Variants in NTM observed in about 807,000 individuals in gnomAD.
NTM encodes neurotrimin, also known as IgLON family member 2.
A neutral mutation model predicts 42.1 loss-of-function variants in NTM; 13 were observed. That is an observed-to-expected ratio of 0.31 (90% confidence interval 0.20 to 0.49). NTM has a LOEUF of 0.49. Among genes scored for constraint, NTM ranks in the 20% least tolerant of loss-of-function variants. The pLI is 0.99. For synonymous variants in NTM, 187 were observed against 179.2 expected, an observed-to-expected ratio of 1.04 and a Z score of -0.35; for missense variants, 373 against 452.8, an observed-to-expected ratio of 0.82 and a Z score of 1.60.
intron 4 of NTM, among the ~76,000 whole-genome samples, chr11:132,292,441 A>T (rs575864149): frequency 5.4e-4 from 82 of 152,218 alleles, no homozygotes; most frequent in Non-Finnish European, 9.4e-4. Context: ...AGGAGACAGG[A>T]TCCTCAGCAG....
chr11:131,905,778 C>T (rs1159479396), intron 1 of NTM, among the ~76,000 whole-genome samples: 2 of 152,116 alleles, frequency 1.3e-5, no homozygotes, highest in African/African-American at 4.8e-5. Context: ...CATTGCTTTC[C>T]CTGGCCCTGT....
chr11:132,042,758 A>G (rs2077373472), intron 2 of NTM, among the ~76,000 whole-genome samples: 1 of 152,236 alleles, frequency 6.6e-6, no homozygotes, highest in Non-Finnish European at 1.5e-5. Context: ...GGTAGAATAG[A>G]TAGGATACAC....
chr11:132,228,457 T>G (rs897954829), intron 4 of NTM, among the ~76,000 whole-genome samples: 6 of 152,200 alleles, frequency 3.9e-5, no homozygotes, highest in African/African-American at 1.4e-4. Flanking sequence ...AAAATGCTCC[T>G]CTTCAGAGTC....
chr11:132,170,728 G>A (rs1352208640), intron 3 of NTM, among the ~76,000 whole-genome samples: 4 of 152,078 alleles, frequency 2.6e-5, no homozygotes, highest in African/African-American at 7.2e-5. Flanking sequence ...TTGTGAGGGG[G>A]AATTGAAATT....
intron 7 of NTM, chr11:132,315,202 A>T (rs1221003414): frequency 1.7e-6 from 1 of 582,560 alleles, no homozygotes; most frequent in Non-Finnish European, 2.2e-6. Flanking sequence ...GCTTAGTGTA[A>T]AATTTTCCTT....
chr11:132,187,077 G>A (rs1366437570), intron 3 of NTM, among the ~76,000 whole-genome samples: 1 of 152,192 alleles, frequency 6.6e-6, no homozygotes, highest in East Asian at 1.9e-4. Flanking sequence ...CATCAGAGAA[G>A]CAGGGCCAGA....
chr11:132,205,028 G>GAT (rs1324167244), intron 3 of NTM, among the ~76,000 whole-genome samples: 6 of 152,188 alleles, frequency 3.9e-5, no homozygotes, highest in Admixed American at 2.6e-4. Flanking sequence ...GAAAGGTTAA[G>GAT]AGCACTCCAG....
At chr11:131,521,495 G>T (rs1158447904) in intron 1 of NTM, among the ~76,000 whole-genome samples, 1 of 124,716 alleles carries the variant, frequency 8.0e-6, no homozygotes, top group Non-Finnish European at 1.6e-5. Flanking sequence ...TGCAAGCTCC[G>T]CCTCCCAGGT....
chr11:132,254,587 A>G (rs77828293), intron 4 of NTM, among the ~76,000 whole-genome samples: 1 of 149,800 alleles, frequency 6.7e-6, no homozygotes, highest in Non-Finnish European at 1.5e-5. Context: ...CATTCCTTTA[A>G]TTTTCTTTGA....
intron 1 of NTM, chr11:131,795,855 G>GTGC: frequency 1.0e-6 from 1 of 985,294 alleles, no homozygotes; most frequent in African/African-American, 1.7e-5. Context: ...AATGCACAGG[G>GTGC]TGCTCCTGAA....
chr11:132,320,658 CT>C (rs1405008217), intron 7 of NTM, among the ~76,000 whole-genome samples: 1 of 152,206 alleles, frequency 6.6e-6, no homozygotes, highest in Admixed American at 6.5e-5. Flanking sequence ...AAAGCTCGAA[CT>C]GGGTGGAGCC....
intron 7 of NTM, among the ~76,000 whole-genome samples, chr11:132,315,299 G>A (rs1256720797): frequency 6.6e-6 from 1 of 152,180 alleles, no homozygotes; most frequent in Non-Finnish European, 1.5e-5. Context: ...AGAAGAAAGT[G>A]AGCGAGCTCC....
At chr11:131,754,625 C>A (rs1294592044) in intron 1 of NTM, among the ~76,000 whole-genome samples, 13 of 147,154 alleles carry the variant, frequency 8.8e-5, no homozygotes, top group African/African-American at 7.5e-5. Flanking sequence ...ACCCCAACTC[C>A]AAAAAAAAAA....
intron 7 of NTM, among the ~76,000 whole-genome samples, chr11:132,315,418 T>G (rs2095402723): frequency 6.6e-6 from 1 of 152,184 alleles, no homozygotes; most frequent in Admixed American, 6.5e-5. Context: ...GATGGCTCCA[T>G]CCCTTGATGA....
intron 1 of NTM, among the ~76,000 whole-genome samples, chr11:131,682,759 C>T (rs1208196632): frequency 6.6e-6 from 1 of 152,176 alleles, no homozygotes; most frequent in South Asian, 2.1e-4. Flanking sequence ...CAGCCATATC[C>T]GAAATCAGCT....
intron 2 of NTM, among the ~76,000 whole-genome samples, chr11:132,030,727 T>C (rs1407135959): frequency 1.3e-5 from 2 of 152,028 alleles, no homozygotes; most frequent in Non-Finnish European, 2.9e-5. Context: ...GAAGATATGA[T>C]TCTGAGAAAG....
intron 1 of NTM, chr11:131,910,940 G>T (rs2054780965): frequency 3.0e-6 from 3 of 988,118 alleles, no homozygotes; most frequent in Middle Eastern, 5.2e-4. Context: ...TGCGCCTCCC[G>T]CGAGCTCCAC....
intron 1 of NTM, among the ~76,000 whole-genome samples, chr11:131,551,962 T>G (rs2136917892): frequency 6.6e-6 from 1 of 152,078 alleles, no homozygotes; most frequent in Non-Finnish European, 1.5e-5. Context: ...GTTGGTAAGG[T>G]CCCTACAAGC....
intron 3 of NTM, among the ~76,000 whole-genome samples, chr11:132,175,712 C>T (rs1252207850): frequency 6.6e-6 from 1 of 151,992 alleles, no homozygotes; most frequent in South Asian, 2.1e-4. Context: ...CTCAGCCTCC[C>T]GAGTAGCTGG....
Sources: allele counts gnomAD v4.1 joint callset (sites outside exome capture counted in the v4.1 genomes callset), GRCh38; gene constraint gnomAD v4.1.1; transcripts MANE v1.5; gene names NCBI Gene and HGNC (gene_info 2026-07-23, HGNC 2026-07-21).